STXBP5L: variants seen among roughly 807,000 people sequenced by gnomAD.
The protein encoded by STXBP5L is syntaxin binding protein 5L, also known as syntaxin-binding protein 5-like.
STXBP5L carries 65 observed loss-of-function variants against 144.5 expected under a neutral mutation model. The observed-to-expected ratio is 0.45, with a 90% confidence interval of 0.37 to 0.55. STXBP5L has a LOEUF of 0.55. STXBP5L is among the 20% of genes least tolerant of loss of function. STXBP5L has a pLI of 0.00. For missense variants in STXBP5L, 1,298 were observed against 1,405.5 expected (o/e 0.92, Z 1.22); for synonymous variants, 505 against 469.6 (o/e 1.08, Z -0.97).
At chr3:121,141,084 T>G (rs59489729) in intron 7 of STXBP5L, among the ~76,000 whole-genome samples, 2,272 of 152,244 alleles carry the variant, frequency 0.015, 62 homozygotes, top group African/African-American at 0.052. Context: ...AAAAGTATGT[T>G]AAACAGCAAT....
At chr3:121,113,987 A>G (rs1400519779) in intron 5 of STXBP5L, among the ~76,000 whole-genome samples, 1 of 152,056 alleles carries the variant, frequency 6.6e-6, no homozygotes, top group Non-Finnish European at 1.5e-5. Context: ...ATTCTTATAT[A>G]AAGAAGTACA....
chr3:121,051,281 C>A (rs1228376081), intron 5 of STXBP5L, among the ~76,000 whole-genome samples: 1 of 152,186 alleles, frequency 6.6e-6, no homozygotes, highest in Non-Finnish European at 1.5e-5. Context: ...ACAGAATATA[C>A]ATTTTTTTTC....
intron 5 of STXBP5L, among the ~76,000 whole-genome samples, chr3:121,080,811 AC>A (rs1364656998): frequency 6.6e-6 from 1 of 152,198 alleles, no homozygotes; most frequent in Admixed American, 6.5e-5. Flanking sequence ...TGTTGTAGTC[AC>A]ATTGTTTAGC....
chr3:120,959,580 G>A (rs996139184), intron 3 of STXBP5L, among the ~76,000 whole-genome samples: 19 of 151,790 alleles, frequency 1.3e-4, no homozygotes, highest in Non-Finnish European at 2.2e-4. Context: ...CAGAACAGAG[G>A]CCTCAGAAAT....
chr3:120,976,289 A>G (rs963071133), intron 3 of STXBP5L, among the ~76,000 whole-genome samples: 1 of 152,214 alleles, frequency 6.6e-6, no homozygotes, highest in Admixed American at 6.5e-5. Flanking sequence ...GTATGTGTCC[A>G]GGAATTTATC....
chr3:121,121,935 A>T (rs1350726411), intron 7 of STXBP5L, among the ~76,000 whole-genome samples: 2 of 151,044 alleles, frequency 1.3e-5, no homozygotes, highest in Non-Finnish European at 3.0e-5. Flanking sequence ...TCGGTATTTA[A>T]TTCTGGCATT....
At chr3:121,126,181 C>T (rs776825009) in intron 7 of STXBP5L, among the ~76,000 whole-genome samples, 7 of 152,226 alleles carry the variant, frequency 4.6e-5, no homozygotes, top group South Asian at 2.1e-4. Flanking sequence ...CAATTATTCT[C>T]GATAAGGGAC....
chr3:121,367,604 T>TTG (rs1306964377), intron 20 of STXBP5L, among the ~76,000 whole-genome samples: 1 of 139,408 alleles, frequency 7.2e-6, no homozygotes, highest in African/African-American at 2.7e-5. Context: ...TGTTTTTTTT[T>TTG]TTTTTTTTTT....
intron 2 of STXBP5L, among the ~76,000 whole-genome samples, chr3:120,936,225 C>T (rs1559886989): frequency 6.6e-6 from 1 of 152,128 alleles, no homozygotes; most frequent in Non-Finnish European, 1.5e-5. Flanking sequence ...TTCCATTTCT[C>T]TGCTTAAATT....
At chr3:121,304,485 T>G (rs1027367828) in intron 19 of STXBP5L, among the ~76,000 whole-genome samples, 1 of 152,082 alleles carries the variant, frequency 6.6e-6, no homozygotes, top group Non-Finnish European at 1.5e-5. Flanking sequence ...CAAGTTATAA[T>G]AAATTACAAA....
chr3:121,373,048 C>A (rs1293876376), intron 20 of STXBP5L, among the ~76,000 whole-genome samples: 1 of 152,080 alleles, frequency 6.6e-6, no homozygotes, highest in Non-Finnish European at 1.5e-5. Flanking sequence ...CCTTCTTAAC[C>A]AAATAATTTT....
At chr3:121,417,188 G>A (rs2047258145) in intron 25 of STXBP5L, among the ~76,000 whole-genome samples, 1 of 152,178 alleles carries the variant, frequency 6.6e-6, no homozygotes, top group Non-Finnish European at 1.5e-5. Context: ...GGGAGAGACT[G>A]CCAATGAGCA....
intron 3 of STXBP5L, among the ~76,000 whole-genome samples, chr3:121,026,362 G>C (rs1205435363): frequency 6.6e-6 from 1 of 152,054 alleles, no homozygotes; most frequent in East Asian, 1.9e-4. Context: ...CTTTCCTTAA[G>C]AGACAACCAC....
Position 121,152,568 on chromosome 3 carries a change from A to G in STXBP5L, c.753+8A>G. ...AGAGTTTATTATGATGAGGTAAGTG[A>G]TTTCTACCGACATGTTTGAAAGAGT... On this transcript the variant is annotated splice_region_variant and intron_variant, in intron 8 of 26. Transcript: ENST00000471454. The G allele has an allele frequency of 6.3e-7, 1 of 1,578,370 alleles. No homozygotes were observed. The highest frequency in any genetic ancestry group is 8.7e-7 in the Non-Finnish European group (1 of 1,154,786).
intron 9 of STXBP5L, among the ~76,000 whole-genome samples, chr3:121,192,070 A>C: frequency 6.6e-6 from 1 of 152,172 alleles, no homozygotes; most frequent in East Asian, 1.9e-4. Flanking sequence ...CATTGTGCAC[A>C]TGTAGCCTAG....
At chr3:121,082,145 C>CA (rs55864716) in intron 5 of STXBP5L, among the ~76,000 whole-genome samples, 120 of 150,638 alleles carry the variant, frequency 8.0e-4, no homozygotes, top group Non-Finnish European at 1.1e-3. Context: ...TTTTACTTTT[C>CA]AAAAAAAAAT....
rs139172919 is a variant in STXBP5L at position 121,354,699 on chromosome 3, T to G, written c.2177-24017T>G. Among the ~76,000 whole-genome samples the G allele has an allele frequency of 3.0e-3, 462 of 152,204 alleles. 3 individuals are homozygous for G. The highest frequency in any genetic ancestry group is 0.01 in the African/African-American group (431 of 41,520). ...ACATTTAGCCCATTTACATTTAAGG[T>G]TAATATTGTTATGTGTGAATTTGAT... On this transcript the variant is annotated intron_variant, in intron 20 of 26. Transcript: ENST00000471454.
At chr3:121,391,038 G>A (rs1432530099) in intron 22 of STXBP5L, among the ~76,000 whole-genome samples, 3 of 151,792 alleles carry the variant, frequency 2.0e-5, no homozygotes, top group African/African-American at 7.3e-5. Context: ...CGTAAATTTG[G>A]TATTTTCACA....
At chr3:121,232,799 A>C (rs1015438951) in intron 11 of STXBP5L, among the ~76,000 whole-genome samples, 4 of 152,162 alleles carry the variant, frequency 2.6e-5, no homozygotes, top group African/African-American at 9.7e-5. Flanking sequence ...GGATTGAGGA[A>C]GGTTTTATAG....
Sources: allele counts gnomAD v4.1 joint callset (sites outside exome capture counted in the v4.1 genomes callset), GRCh38; gene constraint gnomAD v4.1.1; transcripts MANE v1.5; gene names NCBI Gene and HGNC (gene_info 2026-07-23, HGNC 2026-07-21).